Variants in MAPRE2 observed in about 807,000 individuals in gnomAD.
MAPRE2 encodes microtubule associated protein RP/EB family member 2, also known as microtubule-associated protein RP/EB family member 2.
MAPRE2 carries 13 observed loss-of-function variants against 43.2 expected under a neutral mutation model. The observed-to-expected ratio is 0.30, with a 90% CI of 0.20 to 0.48. The LOEUF (loss-of-function observed/expected upper bound fraction) is 0.48. Ranked by LOEUF, MAPRE2 falls within the 20% of genes least tolerant of loss-of-function variation. The pLI is 0.99. For synonymous variants in MAPRE2, 135 were observed against 148.8 expected (o/e 0.91, Z 0.68); for missense variants, 161 against 400.2 (o/e 0.40, Z 5.10).
chr18:35,023,456 G>T (rs1014501510), intron 2 of MAPRE2, among the ~76,000 whole-genome samples: 1 of 151,814 alleles, frequency 6.6e-6, no homozygotes, highest in African/African-American at 2.4e-5. Flanking sequence ...AGCTTGCAGT[G>T]AGCAGAGATT....
intron 6 of MAPRE2, among the ~76,000 whole-genome samples, chr18:35,134,447 T>A (rs2073833871): frequency 6.6e-6 from 1 of 152,228 alleles, no homozygotes; most frequent in Non-Finnish European, 1.5e-5. Context: ...CTTATCTACA[T>A]TTTACAGATG....
intron 1 of MAPRE2, among the ~76,000 whole-genome samples, chr18:35,058,623 T>C (rs1441902722): frequency 1.3e-5 from 2 of 152,166 alleles, no homozygotes; most frequent in African/African-American, 4.8e-5. Flanking sequence ...TAACATACCT[T>C]ATATGTTACA....
intron 1 of MAPRE2, among the ~76,000 whole-genome samples, chr18:35,004,679 A>G (rs2150580236): frequency 6.6e-6 from 1 of 152,380 alleles, no homozygotes; most frequent in African/African-American, 2.4e-5. Context: ...GCACTTTGGG[A>G]AGCCAAGGCA....
intron 4 of MAPRE2, among the ~76,000 whole-genome samples, chr18:35,111,022 AT>A (rs2144201184): frequency 6.6e-6 from 1 of 152,050 alleles, no homozygotes; most frequent in Non-Finnish European, 1.5e-5. Context: ...TTTTTCAAAT[AT>A]TTTTTTCAGC....
chr18:35,023,935 T>C (rs1043833411), intron 2 of MAPRE2, among the ~76,000 whole-genome samples: 10 of 152,180 alleles, frequency 6.6e-5, no homozygotes, highest in Non-Finnish European at 1.2e-4. Flanking sequence ...TCAAATATTG[T>C]CAAGTATGTA....
Position 35,143,351 on chromosome 18 carries a change from A to G in MAPRE2, c.*2982A>G, listed in dbSNP as rs1466734622. The stretch of plus-strand genomic sequence containing the variant: ...AGTCTTATTCAGATGTATCACATTC[A>G]TTTTACATTACCCACCTATTGTCGC... On this transcript the variant is annotated 3_prime_UTR_variant, in exon 7 of 7. Coordinates refer to ENST00000300249, the MANE Select transcript of MAPRE2 (RefSeq NM_014268.4). The G allele has an allele frequency of 6.6e-6, 1 of 152,148 alleles. No homozygotes were observed. Among genetic ancestry groups the G allele is most frequent in the Admixed American group, 6.5e-5 (1 of 15,282 alleles). The allele number at this position is 152,148 out of a possible 1,614,324, so 9.4% of individuals were successfully genotyped here.
In MAPRE2 at chr18:35,041,463, G is replaced by T. The variant is rs879118201; in HGVS notation, c.-77G>T. On this transcript the variant is annotated 5_prime_UTR_variant, in exon 1 of 7. Coordinates refer to ENST00000300249, the MANE Select transcript of MAPRE2 (RefSeq NM_014268.4). ...CAGGCACGGTCCGTGCGGAGCAGGC[G>T]AGCGAGCGGGAAGACGCAGCCACCT... The T allele has an allele frequency of 1.2e-6, 2 of 1,609,900 alleles. No individual in the cohort carries two copies. Among genetic ancestry groups the T allele is most frequent in the Non-Finnish European group, 1.7e-6 (2 of 1,178,348 alleles).
intron 1 of MAPRE2, among the ~76,000 whole-genome samples, chr18:34,982,722 A>G (rs2097017062): frequency 6.6e-6 from 1 of 152,230 alleles, no homozygotes. Context: ...TATCACTTCT[A>G]AAATCACTGG....
At chr18:34,978,510 A>C (rs371235156) in intron 1 of MAPRE2, 1 of 1,551,464 alleles carries the variant, frequency 6.4e-7, no homozygotes, top group African/African-American at 1.4e-5. Flanking sequence ...TGAATAGGAC[A>C]CTGTGGAATG....
At chr18:35,008,483 A>C (rs2097032852) in intron 2 of MAPRE2, among the ~76,000 whole-genome samples, 1 of 152,220 alleles carries the variant, frequency 6.6e-6, no homozygotes, top group Non-Finnish European at 1.5e-5. Context: ...AATTTTCCAC[A>C]GTGCATATCA....
intron 5 of MAPRE2, among the ~76,000 whole-genome samples, chr18:35,130,154 G>A (rs1021009573): frequency 1.3e-5 from 2 of 152,092 alleles, no homozygotes; most frequent in African/African-American, 4.8e-5. Flanking sequence ...GGGGGCTGGG[G>A]GGGGGTGGCA....
At chr18:34,985,626 C>T (rs1382075623) in intron 1 of MAPRE2, among the ~76,000 whole-genome samples, 2 of 85,644 alleles carry the variant, frequency 2.3e-5, no homozygotes, top group Non-Finnish European at 4.3e-5. Flanking sequence ...TAATATATAA[C>T]ATATATATTA....
chr18:35,041,345 T>A, upstream of MAPRE2: 3 of 1,438,422 alleles, frequency 2.1e-6, no homozygotes, highest in Non-Finnish European at 2.7e-6. Flanking sequence ...AGGGTGCTGC[T>A]GCCGGCGCTC....
At chr18:34,986,343 GA>G (rs952744599) in intron 1 of MAPRE2, among the ~76,000 whole-genome samples, 1 of 152,062 alleles carries the variant, frequency 6.6e-6, no homozygotes, top group Admixed American at 6.6e-5. Flanking sequence ...ATATGAAGAA[GA>G]AAAACCTTTC....
At chr18:35,132,310 A>G (rs1910193341) in intron 6 of MAPRE2, 120 bp downstream of exon 6, 1 of 838,520 alleles carries the variant, frequency 1.2e-6, no homozygotes, top group Non-Finnish European at 1.8e-6. Flanking sequence ...TGCTCAGCCA[A>G]GTGCACCTGA....
chr18:35,003,160 A>C (rs916594191), intron 1 of MAPRE2, among the ~76,000 whole-genome samples: 2 of 152,158 alleles, frequency 1.3e-5, no homozygotes, highest in South Asian at 4.1e-4. Context: ...CCCCACAAGC[A>C]AAGGCTGCAT....
At chr18:34,977,584 T>C (rs546600119) in intron 1 of MAPRE2, among the ~76,000 whole-genome samples, 21 of 152,126 alleles carry the variant, frequency 1.4e-4, no homozygotes, top group Admixed American at 3.9e-4. Context: ...TGCAGCGCGC[T>C]GGCGCTCGCG....
At chr18:35,051,908 T>C (rs1486153335) in intron 1 of MAPRE2, among the ~76,000 whole-genome samples, 1 of 152,232 alleles carries the variant, frequency 6.6e-6, no homozygotes, top group East Asian at 1.9e-4. Context: ...CTAGTATTAT[T>C]GCTTGCAGCT....
chr18:34,996,372 T>C (rs71363483), intron 1 of MAPRE2, among the ~76,000 whole-genome samples: 37 of 152,114 alleles, frequency 2.4e-4, no homozygotes, highest in Admixed American at 7.9e-4. Flanking sequence ...AGATCCCTCA[T>C]GTGCACGGTT....
Sources: allele counts gnomAD v4.1 joint callset (sites outside exome capture counted in the v4.1 genomes callset), GRCh38; gene constraint gnomAD v4.1.1; transcripts MANE v1.5; gene names NCBI Gene and HGNC (gene_info 2026-07-23, HGNC 2026-07-21).